MYO18B: variants seen among roughly 807,000 people sequenced by gnomAD.
MYO18B encodes unconventional myosin-XVIIIb.
A neutral mutation model predicts 273.0 loss-of-function variants in MYO18B; 204 were observed. The observed-to-expected ratio is 0.75, with a 90% CI of 0.67 to 0.84. The LOEUF (loss-of-function observed/expected upper bound fraction) is 0.84, where lower values mean the gene tolerates loss of function less well. Ranked by LOEUF, MYO18B falls within the 40% of genes least tolerant of loss-of-function variation. The probability of loss-of-function intolerance (pLI) is 0.00; values close to 1 mark genes in which losing one functional copy is unlikely to be tolerated. For missense variants in MYO18B, 3,212 were observed against 3,287.6 expected, an observed-to-expected ratio of 0.98 and a Z score of 0.56; for synonymous variants, 1,330 against 1,305.7, an observed-to-expected ratio of 1.02 and a Z score of -0.40.
chr22:25,763,262 C>T lies in MYO18B; in HGVS notation c.71C>T (p.Ser24Phe). 6.2e-7 allele frequency: 1 copy of T among 1,611,566 alleles called. No homozygotes were observed. The highest frequency in any genetic ancestry group is 8.5e-7 in the Non-Finnish European group (1 of 1,178,744). Reference protein sequence around the residue: ...IREEDKSPPPSSPPPLFSVIP... With the variant: ...IREEDKSPPPFSPPPLFSVIP... ...GAAGAGGACAAGAGCCCTCCACCAT[C>T]CTCGCCCCCTCCTCTTTTCTCTGTC... The change falls in exon 3 of 44, where the codon TCC becomes TTC. Residue 24 changes from serine to phenylalanine, a missense_variant. Transcript: ENST00000335473.
At position 25,847,421 on chromosome 22, in the gene MYO18B, T is replaced by C. The variant is rs550168855; in HGVS notation, c.3553-9T>C. 153 of 1,558,304 alleles carry C rather than the reference T, an allele frequency of 9.8e-5. 1 individual carries two copies. In the Middle Eastern group the frequency reaches 2.3e-3, roughly 24 times the overall value. On this transcript the variant is annotated splice_polypyrimidine_tract_variant and intron_variant, in intron 19 of 43. Transcript: ENST00000335473. ...ACAACTGGCCCTGACCTCCCTCTAT[T>C]TGGTCTAGGATGCGCTGACCAGCAT... is the stretch of plus-strand genomic sequence containing the variant.
intron 39 of MYO18B, among the ~76,000 whole-genome samples, chr22:25,972,814 G>A (rs2093049565): frequency 1.3e-5 from 2 of 151,980 alleles, no homozygotes; most frequent in Admixed American, 1.3e-4. Flanking sequence ...AAATTACCTG[G>A]GTGTGGTGGT....
intron 39 of MYO18B, among the ~76,000 whole-genome samples, chr22:25,989,000 C>A (rs1601766601): frequency 6.6e-6 from 1 of 152,294 alleles, no homozygotes; most frequent in East Asian, 1.9e-4. Flanking sequence ...TGCCCACTTG[C>A]TTAGTCCCAG....
chr22:25,761,082 A>G lies in MYO18B; in HGVS notation c.-11A>G. 6.2e-7 allele frequency: 1 copy of G among 1,613,430 alleles called. No individual in the cohort carries two copies. Among genetic ancestry groups the G allele is most frequent in the Non-Finnish European group, 8.5e-7 (1 of 1,179,844 alleles). On this transcript the variant is annotated 5_prime_UTR_variant, in exon 2 of 44. Transcript: ENST00000335473. ...CATCTCATCATCTCACGGCCCTGGCACTGCCTCAGCATGGCCATCTCATCA... is the reference window on the plus strand; with the variant it reads ...CATCTCATCATCTCACGGCCCTGGCGCTGCCTCAGCATGGCCATCTCATCA...
In MYO18B at chr22:25,768,119, C is replaced by A. The variant is rs1401880778; in HGVS notation, c.203C>A (p.Pro68Gln). The change falls in exon 4 of 44, where the codon CCA (proline) becomes CAA (glutamine). Residue 68 changes from proline (P) to glutamine (Q), a missense_variant. Physicochemically the swap from Pro to Gln is moderately conservative, Grantham distance 76. Coordinates refer to ENST00000335473, the MANE Select transcript of MYO18B (RefSeq NM_032608.7). ...LAVASPEREIPEISISQPNSK... is the reference protein window; with the variant it reads ...LAVASPEREIQEISISQPNSK... ...TGGTTGTGTTCTTTCTCCCAGATCC[C>A]AGAAATTTCCATCAGCCAACCCAAC... 1 of 1,592,204 alleles carries A rather than the reference C, an allele frequency of 6.3e-7. No individual in the cohort carries two copies. Among genetic ancestry groups the A allele is most frequent in the Non-Finnish European group, 8.6e-7 (1 of 1,168,398 alleles).
At chr22:25,981,939 A>G (rs2093152821) in intron 39 of MYO18B, among the ~76,000 whole-genome samples, 1 of 152,164 alleles carries the variant, frequency 6.6e-6, no homozygotes. Context: ...AAAGAGGTGT[A>G]ATTGGCTCAT....
intron 21 of MYO18B, 73 bp from the exon 22 acceptor site, chr22:25,868,247 G>A: frequency 7.5e-7 from 1 of 1,335,778 alleles, no homozygotes; most frequent in Non-Finnish European, 1.1e-6. Context: ...CAGCCATCGA[G>A]CCAGCTTGAC....
chr22:25,961,220 T>TAA (rs749508614), intron 39 of MYO18B, among the ~76,000 whole-genome samples: 1,785 of 124,826 alleles, frequency 0.014, 34 homozygotes, highest in African/African-American at 0.05. Context: ...AGCCTCCATC[T>TAA]AAAAAAAAAA....
Position 25,878,017 on chromosome 22 carries a change from T to A in MYO18B, c.4283T>A (p.Leu1428His), listed in dbSNP as rs1425399353. ...AAATCAGAGAAGTTGCGGAATGAAC[T>A]CCGGCAGAACACAGATCTGCTAGAA... ...LEKSEKLRNE[L>H]RQNTDLLESK... Residue 1428 changes from leucine (L) to histidine (H), a missense_variant, in exon 25 of 44, where the codon CTC becomes CAC. Coordinates refer to ENST00000335473, the MANE Select transcript of MYO18B (RefSeq NM_032608.7). The A allele has an allele frequency of 8.2e-6, 13 of 1,584,506 alleles. No individual in the cohort carries two copies. The highest frequency in any genetic ancestry group is 1.1e-5 in the Non-Finnish European group (13 of 1,164,982).
At chr22:25,828,650 GC>G (rs2089584208) in intron 14 of MYO18B, 125 bp from the exon 15 acceptor site, 1 of 835,430 alleles carries the variant, frequency 1.2e-6, no homozygotes, top group Non-Finnish European at 1.9e-6. Context: ...TAAGTAGCTT[GC>G]CTGAGGTCAC....
At chr22:25,815,978 C>T (rs915706145) in intron 12 of MYO18B, among the ~76,000 whole-genome samples, 20 of 152,166 alleles carry the variant, frequency 1.3e-4, no homozygotes, top group African/African-American at 4.1e-4. Context: ...GATGGCACAT[C>T]GGCCAGGCCT....
intron 42 of MYO18B, among the ~76,000 whole-genome samples, chr22:26,017,444 A>T (rs563058926): frequency 1.3e-5 from 2 of 151,320 alleles, no homozygotes; most frequent in Non-Finnish European, 2.9e-5. Flanking sequence ...AGTTGACAAC[A>T]TCACAACAGC....
intron 1 of MYO18B, among the ~76,000 whole-genome samples, chr22:25,756,849 C>T (rs892930053): frequency 2.6e-5 from 4 of 151,784 alleles, no homozygotes; most frequent in African/African-American, 9.7e-5. Context: ...TCACTTTAGG[C>T]CAGGAGTTTG....
chr22:25,970,395 C>T (rs991107579), intron 39 of MYO18B, among the ~76,000 whole-genome samples: 1 of 152,096 alleles, frequency 6.6e-6, no homozygotes, highest in African/African-American at 2.4e-5. Context: ...CAGTATACCC[C>T]ACCTTGTGAC....
chr22:25,794,227 T>C (rs1051806412), intron 11 of MYO18B, among the ~76,000 whole-genome samples: 9 of 150,732 alleles, frequency 6.0e-5, no homozygotes, highest in African/African-American at 2.0e-4. Flanking sequence ...CCACCGCACC[T>C]GGCCTTTCTC....
intron 42 of MYO18B, among the ~76,000 whole-genome samples, chr22:26,021,860 C>T (rs1935847071): frequency 6.6e-6 from 1 of 152,208 alleles, no homozygotes; most frequent in South Asian, 2.1e-4. Flanking sequence ...TCCTGGTATC[C>T]AGCACAGCAC....
intron 21 of MYO18B, among the ~76,000 whole-genome samples, chr22:25,855,504 C>T (rs1410486455): frequency 2.0e-5 from 3 of 152,102 alleles, no homozygotes; most frequent in African/African-American, 4.8e-5. Flanking sequence ...AGGATGATCT[C>T]GATCTGACCT....
At chr22:25,827,041 G>A (rs1208718358) in intron 14 of MYO18B, among the ~76,000 whole-genome samples, 1 of 152,174 alleles carries the variant, frequency 6.6e-6, no homozygotes, top group Non-Finnish European at 1.5e-5. Flanking sequence ...TAGCCTGGGT[G>A]ACAGAGCGAG....
intron 15 of MYO18B, among the ~76,000 whole-genome samples, chr22:25,829,777 G>A (rs1349965123): frequency 1.3e-5 from 2 of 151,996 alleles, no homozygotes; most frequent in African/African-American, 2.4e-5. Flanking sequence ...GGTGGAGGTC[G>A]TGGTGAGCTG....
Sources: gnomAD v4.1 joint callset for allele counts (sites outside exome capture counted in the v4.1 genomes callset) on GRCh38, gnomAD v4.1.1 for gene constraint, MANE v1.5 for transcripts, NCBI Gene and HGNC (gene_info 2026-07-23, HGNC 2026-07-21) for gene names.